The following PTPRT variants were observed in gnomAD, a reference collection of about 807,000 sequenced individuals.
PTPRT encodes receptor-type tyrosine-protein phosphatase T.
PTPRT carries 56 observed loss-of-function variants against 176.8 expected under a neutral mutation model. That is an observed-to-expected ratio of 0.32 (90% confidence interval 0.26 to 0.40). The LOEUF (loss-of-function observed/expected upper bound fraction) is 0.40, where lower values mean the gene tolerates loss of function less well. Ranked by LOEUF, PTPRT falls within the 10% of genes least tolerant of loss-of-function variation. The probability of loss-of-function intolerance (pLI) is 1.00; values close to 1 mark genes in which losing one functional copy is unlikely to be tolerated. For synonymous variants in PTPRT, 783 were observed against 739.0 expected (o/e 1.06, Z -0.96); for missense variants, 1,540 against 1,908.2 (o/e 0.81, Z 3.60).
At chr20:42,974,399 T>C (rs1982824029) in intron 1 of PTPRT, among the ~76,000 whole-genome samples, 1 of 152,092 alleles carries the variant, frequency 6.6e-6, no homozygotes, top group Non-Finnish European at 1.5e-5. Context: ...TTCACTCAAC[T>C]TTGTCATTAT....
At chr20:42,581,341 CA>C (rs1308860220) in intron 7 of PTPRT, among the ~76,000 whole-genome samples, 1 of 152,118 alleles carries the variant, frequency 6.6e-6, no homozygotes, top group Non-Finnish European at 1.5e-5. Flanking sequence ...TTTAGCATAC[CA>C]TGAACTCTAC....
At chr20:42,389,009 A>AGCAAACTATC (rs1214635701) in intron 9 of PTPRT, among the ~76,000 whole-genome samples, 2 of 152,082 alleles carry the variant, frequency 1.3e-5, no homozygotes, top group African/African-American at 4.8e-5. Flanking sequence ...CATCATTCTC[A>AGCAAACTATC]GCAAACTATC....
intron 12 of PTPRT, among the ~76,000 whole-genome samples, chr20:42,302,201 C>T (rs2145314873): frequency 6.6e-6 from 1 of 152,208 alleles, no homozygotes; most frequent in South Asian, 2.1e-4. Flanking sequence ...ATATGCATGA[C>T]TTTATGATTC....
intron 7 of PTPRT, among the ~76,000 whole-genome samples, chr20:42,515,138 T>C (rs1423848886): frequency 6.6e-6 from 1 of 152,188 alleles, no homozygotes; most frequent in East Asian, 1.9e-4. Flanking sequence ...TATCTCTCTA[T>C]TTAGGTCACG....
intron 6 of PTPRT, among the ~76,000 whole-genome samples, chr20:42,749,352 G>A (rs1022618907): frequency 1.3e-5 from 2 of 152,124 alleles, no homozygotes; most frequent in African/African-American, 4.8e-5. Flanking sequence ...CAAGCCACAG[G>A]ACCCATCTCA....
intron 17 of PTPRT, among the ~76,000 whole-genome samples, chr20:42,145,754 C>T (rs1040400277): frequency 6.6e-6 from 1 of 152,132 alleles, no homozygotes; most frequent in Non-Finnish European, 1.5e-5. Context: ...CTTAGCCTTT[C>T]TTAGGTTTTA....
intron 15 of PTPRT, among the ~76,000 whole-genome samples, chr20:42,226,515 G>T (rs1223087433): frequency 6.6e-6 from 1 of 152,162 alleles, no homozygotes; most frequent in Non-Finnish European, 1.5e-5. Context: ...GCAATCATTA[G>T]CATCATCATC....
At chr20:42,981,944 G>A (rs901002103) in intron 1 of PTPRT, among the ~76,000 whole-genome samples, 11 of 152,072 alleles carry the variant, frequency 7.2e-5, no homozygotes, top group Admixed American at 1.3e-4. Flanking sequence ...TTTATGGGGC[G>A]CTCTTTTCAG....
intron 6 of PTPRT, among the ~76,000 whole-genome samples, chr20:42,697,279 G>C (rs887813171): frequency 6.6e-6 from 1 of 152,132 alleles, no homozygotes; most frequent in Non-Finnish European, 1.5e-5. Flanking sequence ...AAAAGGATAC[G>C]GGTTACTGTT....
At chr20:42,272,891 C>A (rs1459639588) in intron 13 of PTPRT, among the ~76,000 whole-genome samples, 2 of 152,168 alleles carry the variant, frequency 1.3e-5, no homozygotes, top group Non-Finnish European at 2.9e-5. Flanking sequence ...ATTTGCATAC[C>A]TACTCCCTTG....
At chr20:42,761,201 C>G (rs112688650) in intron 5 of PTPRT, among the ~76,000 whole-genome samples, 32,920 of 151,596 alleles carry the variant, frequency 0.22, 4,424 homozygotes, top group African/African-American at 0.38. Flanking sequence ...TTGGGAGGCC[C>G]AGGCAGGTGG....
intron 18 of PTPRT, among the ~76,000 whole-genome samples, chr20:42,129,160 T>C (rs1988007644): frequency 6.6e-6 from 1 of 152,190 alleles, no homozygotes; most frequent in African/African-American, 2.4e-5. Context: ...AGAGACCATA[T>C]AAAAATGCTT....
intron 9 of PTPRT, among the ~76,000 whole-genome samples, chr20:42,366,404 GC>G (rs2058514908): frequency 6.6e-6 from 1 of 152,194 alleles, no homozygotes; most frequent in African/African-American, 2.4e-5. Context: ...TTCTCCCTCA[GC>G]TTCTGAGAGA....
chr20:42,541,949 C>A (rs962064106), intron 7 of PTPRT, among the ~76,000 whole-genome samples: 2 of 152,066 alleles, frequency 1.3e-5, no homozygotes, highest in Non-Finnish European at 1.5e-5. Context: ...TCCCATAATC[C>A]CCATGTGTCA....
chr20:42,978,841 A>G (rs1343312010), intron 1 of PTPRT, among the ~76,000 whole-genome samples: 5 of 152,224 alleles, frequency 3.3e-5, no homozygotes, highest in Non-Finnish European at 7.3e-5. Flanking sequence ...AGGGGAAGGC[A>G]TTAATAATCT....
intron 27 of PTPRT, among the ~76,000 whole-genome samples, chr20:42,086,792 G>T (rs1318156607): frequency 2.3e-5 from 3 of 133,256 alleles, no homozygotes; most frequent in Admixed American, 1.5e-4. Flanking sequence ...GCGGCCTTGG[G>T]TCCAAATCTG....
chr20:42,717,827 G>T (rs1018057163), intron 6 of PTPRT, among the ~76,000 whole-genome samples: 6 of 152,016 alleles, frequency 3.9e-5, no homozygotes, highest in Admixed American at 3.9e-4. Flanking sequence ...AAAAACAAAA[G>T]ACCTGAATAT....
Position 42,504,765 on chromosome 20 carries a change from C to G in PTPRT, c.1154-32203G>C, listed in dbSNP as rs902546691. Among the ~76,000 whole-genome samples the G allele has an allele frequency of 5.9e-5, 9 of 152,186 alleles. No homozygotes were observed. The South Asian group carries it at 8.3e-4, about 14-fold the overall frequency. On this transcript the variant is annotated intron_variant, in intron 7 of 30. Coordinates refer to ENST00000373187, the MANE Select transcript of PTPRT (RefSeq NM_007050.6). ...TGAGAATACTGATAAGTTGAAAATTCTTTCTCACATCTTACGTTGTCTTGC... is the reference window on the plus strand; with the variant it reads ...TGAGAATACTGATAAGTTGAAAATTGTTTCTCACATCTTACGTTGTCTTGC...
intron 1 of PTPRT, among the ~76,000 whole-genome samples, chr20:42,994,221 G>T (rs552978873): frequency 6.6e-6 from 1 of 152,190 alleles, no homozygotes; most frequent in South Asian, 2.1e-4. Flanking sequence ...CCAATCAACT[G>T]CATGACTTGT....
Sources: gnomAD v4.1 joint callset for allele counts (sites outside exome capture counted in the v4.1 genomes callset) on GRCh38, gnomAD v4.1.1 for gene constraint, MANE v1.5 for transcripts, NCBI Gene and HGNC (gene_info 2026-07-23, HGNC 2026-07-21) for gene names.